The following CHL1 variants were observed in gnomAD, a reference collection of about 807,000 sequenced individuals.
CHL1 encodes the protein neural cell adhesion molecule L1-like protein.
Under a neutral mutation model 141.9 loss-of-function variants are expected in CHL1, and 96 were observed. The ratio of observed to expected loss-of-function variants is 0.68; its 90% CI spans 0.57 to 0.80. The LOEUF is 0.80. CHL1 is among the 30% of genes least tolerant of loss of function. The pLI is 0.00. For synonymous variants in CHL1, 613 were observed against 502.2 expected (o/e 1.22, Z -2.95); for missense variants, 1,820 against 1,457.2 (o/e 1.25, Z -4.05).
chr3:390,584 G>A, intron 20 of CHL1, 117 bp from the exon 21 acceptor site: 2 of 632,674 alleles, frequency 3.2e-6, no homozygotes, highest in South Asian at 1.9e-5. Flanking sequence ...GTTCCATTTG[G>A]AGTGAATTTC....
chr3:392,966 G>A (rs1004905265), intron 23 of CHL1, among the ~76,000 whole-genome samples: 2 of 58,280 alleles, frequency 3.4e-5, no homozygotes, highest in African/African-American at 7.8e-5. Flanking sequence ...GTACATCAGA[G>A]TCAAGTAGTA....
chr3:381,536 A>G (rs1707041898), intron 16 of CHL1, among the ~76,000 whole-genome samples: 3 of 152,232 alleles, frequency 2.0e-5, no homozygotes, highest in Non-Finnish European at 1.5e-5. Context: ...GTAAATTAGT[A>G]CATTGAGGTT....
chr3:391,533 A>T, intron 22 of CHL1, 142 bp from the exon 23 acceptor site: 2 of 623,864 alleles, frequency 3.2e-6, no homozygotes, highest in Non-Finnish European at 5.5e-6. Context: ...ATAAATAAAT[A>T]AACATTATTC....
intron 2 of CHL1, among the ~76,000 whole-genome samples, chr3:262,587 A>G (rs1253230956): frequency 6.6e-6 from 1 of 152,116 alleles, no homozygotes; most frequent in Admixed American, 6.6e-5. Context: ...ACAGGGCAGG[A>G]TTCACACATT....
At chr3:356,230 G>T (rs1703703949) in intron 11 of CHL1, among the ~76,000 whole-genome samples, 1 of 152,134 alleles carries the variant, frequency 6.6e-6, no homozygotes, top group Admixed American at 6.5e-5. Context: ...TGTTTATAAT[G>T]AATGTTCAGG....
chr3:301,908 C>G (rs560314096), intron 2 of CHL1, among the ~76,000 whole-genome samples: 29 of 152,324 alleles, frequency 1.9e-4, no homozygotes, highest in African/African-American at 6.7e-4. Context: ...CAGCACCGCA[C>G]CGCCAACAGG....
chr3:364,458 C>A (rs544993757), intron 14 of CHL1, among the ~76,000 whole-genome samples: 96 of 152,252 alleles, frequency 6.3e-4, no homozygotes, highest in African/African-American at 2.2e-3. Context: ...GAGCGTGAAG[C>A]CTCGAATCCA....
At chr3:244,906 G>C (rs534312746) in intron 2 of CHL1, among the ~76,000 whole-genome samples, 5 of 152,126 alleles carry the variant, frequency 3.3e-5, no homozygotes, top group African/African-American at 1.2e-4. Flanking sequence ...GTTTATTTTT[G>C]AAAGAGCAAA....
chr3:343,871 A>C (rs546384950), intron 8 of CHL1, among the ~76,000 whole-genome samples: 4 of 152,340 alleles, frequency 2.6e-5, no homozygotes, highest in Admixed American at 2.6e-4. Context: ...CACATAGTAC[A>C]TATTCAACAA....
chr3:300,809 A>G (rs928835439), intron 2 of CHL1, among the ~76,000 whole-genome samples: 1 of 152,216 alleles, frequency 6.6e-6, no homozygotes, highest in African/African-American at 2.4e-5. Flanking sequence ...CCCTTGTGAT[A>G]TGAAAGGTTT....
chr3:333,148 T>TTTTTTTTTTTTTTTTGGGG, intron 5 of CHL1, among the ~76,000 whole-genome samples: 1 of 145,822 alleles, frequency 6.9e-6, no homozygotes, highest in Admixed American at 6.9e-5. Context: ...TTTTTTTTGC[T>TTTTTTTTTTTTTTTTGGGG]GCTGCTGCAG....
intron 1 of CHL1, among the ~76,000 whole-genome samples, chr3:229,924 C>G (rs1701709160): frequency 6.6e-6 from 1 of 152,164 alleles, no homozygotes; most frequent in Admixed American, 6.5e-5. Flanking sequence ...CATGGTCTCT[C>G]AAAGGGGAAG....
Position 361,803 on chromosome 3 carries a change from G to C in CHL1, c.1411G>C (p.Val471Leu), listed in dbSNP as rs775477764. ...CEFFASPEAV[V>L]SWQKVEEVKP... ...GTTCTTTGCTTCACCTGAGGCAGTC[G>C]TGTCCTGGTAAGCCGGTGGCTCATG... Residue 471 changes from valine (V) to leucine (L), a missense_variant, in exon 13 of 28, where the codon GTG becomes CTG. By Grantham distance (32) the Val-to-Leu change is conservative. Transcript: ENST00000256509. The C allele has an allele frequency of 4.1e-5, 66 of 1,606,810 alleles. No homozygotes were observed. In the South Asian group the frequency reaches 7.0e-4, roughly 17 times the overall value.
chr3:230,588 G>C (rs1329805649), intron 1 of CHL1, among the ~76,000 whole-genome samples: 2 of 151,848 alleles, frequency 1.3e-5, no homozygotes, highest in Non-Finnish European at 2.9e-5. Flanking sequence ...TGCCACACTT[G>C]ACCTTTGTCA....
At chr3:299,889 G>A (rs540029388) in intron 2 of CHL1, among the ~76,000 whole-genome samples, 1 of 152,244 alleles carries the variant, frequency 6.6e-6, no homozygotes, top group Admixed American at 6.5e-5. Context: ...ATCAAAACAA[G>A]GTCACTGCTA....
chr3:314,703 G>A (rs943835195), intron 2 of CHL1, among the ~76,000 whole-genome samples: 16 of 152,092 alleles, frequency 1.1e-4, no homozygotes, highest in Admixed American at 1.0e-3. Context: ...TTCCAACAGG[G>A]TAGTGCAGGC....
At position 382,552 on chromosome 3, in the gene CHL1, C is replaced by A; in HGVS notation, c.2057C>A (p.Thr686Asn). The A allele has an allele frequency of 5.6e-6, 9 of 1,613,782 alleles. No individual in the cohort carries two copies. The highest frequency in any genetic ancestry group is 1.3e-5 in the African/African-American group (1 of 74,972). Residue 686 changes from threonine (T) to asparagine (N), a missense_variant, in exon 18 of 28, where the codon ACC (threonine) becomes AAC (asparagine). Thr to Asn is a moderately conservative substitution (Grantham distance 65, BLOSUM62 0). Transcript: ENST00000256509. ...CTGACCAGAGTCCAAGGAAAGAAAA[C>A]CACAGTTATCTTACCTTTGGCTCCA... Reference protein sequence around the residue: ...EELTRVQGKKTTVILPLAPFV... With the variant: ...EELTRVQGKKNTVILPLAPFV...
intron 19 of CHL1, among the ~76,000 whole-genome samples, chr3:386,461 G>T (rs115629180): frequency 6.6e-6 from 1 of 152,038 alleles, no homozygotes; most frequent in Admixed American, 6.5e-5. Context: ...TTGAGTGTTC[G>T]AACATCATAA....
chr3:318,115 T>G (rs760347188), intron 2 of CHL1, among the ~76,000 whole-genome samples: 16 of 151,854 alleles, frequency 1.1e-4, no homozygotes, highest in Non-Finnish European at 2.1e-4. Context: ...GTATTTTCTT[T>G]TATGATTAAT....
Sources: allele counts gnomAD v4.1 joint callset (sites outside exome capture counted in the v4.1 genomes callset), GRCh38; gene constraint gnomAD v4.1.1; transcripts MANE v1.5; gene names NCBI Gene and HGNC (gene_info 2026-07-23, HGNC 2026-07-21).